DIP2B: variants seen among roughly 807,000 people sequenced by gnomAD.
The protein encoded by DIP2B is DIP2 acetate--CoA ligase B (putative), also known as disco-interacting protein 2 homolog B.
Under a neutral mutation model 198.0 loss-of-function variants are expected in DIP2B, and 76 were observed. That is an observed-to-expected ratio of 0.38 (90% CI 0.32 to 0.46). DIP2B has a LOEUF of 0.46. Among genes scored for constraint, DIP2B ranks in the 20% least tolerant of loss-of-function variants. DIP2B has a pLI of 0.99. For synonymous variants in DIP2B, 701 were observed against 739.1 expected, an observed-to-expected ratio of 0.95 and a Z score of 0.84; for missense variants, 1,559 against 1,978.4, an observed-to-expected ratio of 0.79 and a Z score of 4.02.
chr12:50,692,491 C>T (rs1939238595), intron 13 of DIP2B, among the ~76,000 whole-genome samples: 2 of 152,148 alleles, frequency 1.3e-5, no homozygotes, highest in Admixed American at 1.3e-4. Context: ...GTCCTCTACC[C>T]GTTTTGAGGA....
rs367699036 is a variant in DIP2B at position 50,582,145 on chromosome 12, GTTT to G, written c.101-43809_101-43807del. Among the ~76,000 whole-genome samples, 97 of 77,542 alleles carry G rather than the reference GTTT, an allele frequency of 1.3e-3. 1 individual carries two copies. The highest frequency in any genetic ancestry group is 5.1e-3 in the African/African-American group (83 of 16,130). 50.9% of individuals were successfully genotyped at this position (77,542 alleles called of 152,430 possible). Reference sequence around the variant, plus strand: ...TAATAGCTTCTTTTTCTTTTTTTCTGTTTTTTTTTTTTTTTTTTTTTTTTGAGT... The same window carrying G: ...TAATAGCTTCTTTTTCTTTTTTTCTGTTTTTTTTTTTTTTTTTTTTTGAGT... On this transcript the variant is annotated intron_variant, in intron 1 of 37. Transcript: ENST00000301180.
chr12:50,524,631 G>T (rs1450849586), intron 1 of DIP2B, among the ~76,000 whole-genome samples: 2 of 152,040 alleles, frequency 1.3e-5, no homozygotes, highest in South Asian at 4.1e-4. Context: ...TGCCACATAG[G>T]TGCAGGTGAT....
At chr12:50,505,944 A>G (rs1389775962) in intron 1 of DIP2B, among the ~76,000 whole-genome samples, 1 of 151,160 alleles carries the variant, frequency 6.6e-6, no homozygotes, top group Non-Finnish European at 1.5e-5. Flanking sequence ...AAGGAAGGAG[A>G]GGAGGCTACC....
At chr12:50,532,586 A>G (rs1280717780) in intron 1 of DIP2B, among the ~76,000 whole-genome samples, 1 of 152,228 alleles carries the variant, frequency 6.6e-6, no homozygotes, top group African/African-American at 2.4e-5. Flanking sequence ...AAGACATACA[A>G]AAAAACCCAC....
At chr12:50,584,718 C>A (rs1336842925) in intron 1 of DIP2B, among the ~76,000 whole-genome samples, 5 of 152,086 alleles carry the variant, frequency 3.3e-5, no homozygotes, top group African/African-American at 1.2e-4. Context: ...TGTGTGCCGC[C>A]ACACCTGGCT....
chr12:50,733,403 T>C (rs753966643), intron 32 of DIP2B, among the ~76,000 whole-genome samples: 2 of 152,100 alleles, frequency 1.3e-5, no homozygotes, highest in African/African-American at 2.4e-5. Context: ...AAGGCAAATA[T>C]AGCGCCAGGT....
chr12:50,668,743 C>T (rs909984790), intron 4 of DIP2B, among the ~76,000 whole-genome samples: 7 of 152,118 alleles, frequency 4.6e-5, no homozygotes, highest in Non-Finnish European at 8.8e-5. Flanking sequence ...CTTGAAAATA[C>T]TTTATTCTTA....
intron 1 of DIP2B, among the ~76,000 whole-genome samples, chr12:50,511,119 G>A (rs1335476255): frequency 6.7e-6 from 1 of 149,540 alleles, no homozygotes; most frequent in Non-Finnish European, 1.5e-5. Flanking sequence ...CTAATTTTTT[G>A]TGTCTTTAGT....
intron 32 of DIP2B, among the ~76,000 whole-genome samples, chr12:50,732,919 T>A (rs76152748): frequency 3.9e-5 from 6 of 152,062 alleles, no homozygotes; most frequent in South Asian, 2.1e-4. Context: ...TTTTTTTTTT[T>A]ATTTGAGACG....
intron 4 of DIP2B, among the ~76,000 whole-genome samples, chr12:50,668,208 G>T (rs1326481837): frequency 6.6e-6 from 1 of 152,176 alleles, no homozygotes; most frequent in Non-Finnish European, 1.5e-5. Flanking sequence ...TTGGGTGCCT[G>T]CCTTGAACTC....
intron 1 of DIP2B, among the ~76,000 whole-genome samples, chr12:50,582,270 G>C (rs775542554): frequency 6.8e-6 from 1 of 146,318 alleles, no homozygotes; most frequent in Non-Finnish European, 1.5e-5. Context: ...TCCTGCCTCA[G>C]CCTCCAAGTA....
Position 50,655,367 on chromosome 12 carries a change from C to T in DIP2B, c.302-4827C>T, listed in dbSNP as rs1482763515. ...ATATGTATGTATCTACTACCTATAG[C>T]AAAGGTGGGTGGGATTGGGGCAGAA... On this transcript the variant is annotated intron_variant, in intron 3 of 37. Coordinates refer to ENST00000301180, the MANE Select transcript of DIP2B (RefSeq NM_173602.3). 2.6e-5 allele frequency among the ~76,000 whole-genome samples: 4 copies of T among 152,268 alleles called. No individual in the cohort carries two copies. The East Asian group carries it at 7.7e-4, about 29-fold the overall frequency.
chr12:50,587,802 T>C (rs1223022190), intron 1 of DIP2B, among the ~76,000 whole-genome samples: 1 of 152,236 alleles, frequency 6.6e-6, no homozygotes, highest in African/African-American at 2.4e-5. Context: ...CTGGTTCTTT[T>C]GAATTTATCA....
chr12:50,578,665 A>T (rs10876064), intron 1 of DIP2B, among the ~76,000 whole-genome samples: 1 of 151,230 alleles, frequency 6.6e-6, no homozygotes, highest in East Asian at 1.9e-4. Flanking sequence ...CCGCCATCAC[A>T]CCCGGCTAAT....
chr12:50,673,669 C>T (rs1053940739), intron 5 of DIP2B, among the ~76,000 whole-genome samples: 1 of 152,128 alleles, frequency 6.6e-6, no homozygotes, highest in Non-Finnish European at 1.5e-5. Context: ...CACCTGTGGT[C>T]CCCATACTTG....
At chr12:50,550,828 AT>A (rs1335619956) in intron 1 of DIP2B, among the ~76,000 whole-genome samples, 2 of 152,212 alleles carry the variant, frequency 1.3e-5, no homozygotes, top group African/African-American at 4.8e-5. Context: ...TATCAGTAGT[AT>A]TTCCAGAAAG....
At chr12:50,727,204 G>A (rs1939953188) in intron 28 of DIP2B, among the ~76,000 whole-genome samples, 1 of 152,174 alleles carries the variant, frequency 6.6e-6, no homozygotes, top group Non-Finnish European at 1.5e-5. Context: ...ACATACTAAA[G>A]TGTAAATAAT....
intron 22 of DIP2B, among the ~76,000 whole-genome samples, chr12:50,709,959 A>T (rs1306713596): frequency 6.6e-6 from 1 of 152,186 alleles, no homozygotes; most frequent in Non-Finnish European, 1.5e-5. Context: ...CAACCTGCGC[A>T]ACATAGCAAA....
intron 4 of DIP2B, among the ~76,000 whole-genome samples, chr12:50,661,684 G>C (rs1357003962): frequency 1.3e-5 from 2 of 152,118 alleles, no homozygotes; most frequent in Non-Finnish European, 2.9e-5. Context: ...AGCACAAGTT[G>C]GGTCCTCATG....
Sources: allele counts gnomAD v4.1 joint callset (sites outside exome capture counted in the v4.1 genomes callset), GRCh38; gene constraint gnomAD v4.1.1; transcripts MANE v1.5; gene names NCBI Gene and HGNC (gene_info 2026-07-23, HGNC 2026-07-21).